The following ARL16 variants were observed in gnomAD, a reference collection of about 807,000 sequenced individuals.
The protein encoded by ARL16 is ADP-ribosylation factor-like protein 16.
ARL16 carries 21 observed loss-of-function variants against 14.1 expected under a neutral mutation model. The observed-to-expected ratio is 1.48, with a 90% CI of 1.05 to 2.14. The LOEUF is 2.14. ARL16 is among the 30% of genes most tolerant of loss of function. ARL16 has a pLI of 0.00. For missense variants in ARL16, 248 were observed against 222.0 expected, an observed-to-expected ratio of 1.12 and a Z score of -0.74; for synonymous variants, 122 against 91.8, an observed-to-expected ratio of 1.33 and a Z score of -1.88.
chr17:81,682,184 G>A (rs370369243), intron 3 of ARL16, 35 bp from the exon 4 acceptor site: 19 of 1,501,268 alleles, frequency 1.3e-5, no homozygotes, highest in South Asian at 2.5e-5. Context: ...GCAATGCCCC[G>A]CTGCCAAACT....
rs1303188476 is a variant in ARL16 at position 81,683,701 on chromosome 17, C to T, written c.53G>A (p.Arg18Gln). 4 of 1,605,736 alleles carry T rather than the reference C, an allele frequency of 2.5e-6. No individual in the cohort carries two copies. The Admixed American group carries it at 5.1e-5, about 20-fold the overall frequency. ...CCCGCGCGGAAGGATATCCTGCAGCCGTTTCACCAGCAGCGTCTTCCCGAC... is the reference window on the plus strand; with the variant it reads ...CCCGCGCGGAAGGATATCCTGCAGCTGTTTCACCAGCAGCGTCTTCCCGAC... ...TGVGKTLLVKRLQEVSSRDGK... is the reference protein window; with the variant it reads ...TGVGKTLLVKQLQEVSSRDGK... Residue 18 changes from arginine (R) to glutamine (Q), a missense_variant, in exon 1 of 5, where the codon CGG (arginine) becomes CAG (glutamine). Coordinates refer to ENST00000622299, the MANE Select transcript of ARL16 (RefSeq NM_001040025.3).
rs201721126 is a variant in ARL16 at position 81,682,017 on chromosome 17, A to G, written c.350+17T>C. 8.2e-4 allele frequency: 1,315 copies of G among 1,594,758 alleles called. 2 individuals are homozygous for G. The highest frequency in any genetic ancestry group is 1.2e-3 in the Middle Eastern group (7 of 5,890). On this transcript the variant is annotated intron_variant, in intron 4 of 4. Transcript: ENST00000622299. ...CCCCGCCCCCGCTGTGCTCCCTCTC[A>G]GCTCAGGGACGCGTACATTTTATTG...
chr17:81,681,448 G>A lies in ARL16; in HGVS notation c.*260C>T, dbSNP rs993514843. The A allele has an allele frequency of 8.8e-5, 33 of 376,038 alleles. No individual in the cohort carries two copies. Among genetic ancestry groups the A allele is most frequent in the Middle Eastern group, 7.6e-4 (1 of 1,324 alleles). The allele number at this position is 376,038 out of a possible 1,614,324, so 23.3% of individuals were successfully genotyped here. A position where few individuals can be genotyped will look rare whatever the true frequency, so the allele number is the denominator to read the frequency against. On this transcript the variant is annotated 3_prime_UTR_variant, in exon 5 of 5. Coordinates refer to ENST00000622299, the MANE Select transcript of ARL16 (RefSeq NM_001040025.3). ...ACTCCCGACCTCAGGTGATACACCC[G>A]CCTCGGCCTCTCAAAGTGCTGGGAT... is the stretch of plus-strand genomic sequence containing the variant.
Position 81,681,794 on chromosome 17 carries a change from T to A in ARL16, c.436A>T (p.Thr146Ser), listed in dbSNP as rs758930101. The A allele has an allele frequency of 3.7e-6, 6 of 1,612,474 alleles. No individual in the cohort carries two copies. ...TCACGGGCGCTGATTTCTGCCGTGG[T>A]GATGTTCTGCTTGGCACAAGCAATG... ...DIIACAKQNITTAEISAREGT... is the reference protein window; with the variant it reads ...DIIACAKQNISTAEISAREGT... The change falls in exon 5 of 5, where the codon ACC (threonine) becomes TCC (serine). Residue 146 changes from threonine to serine, a missense_variant. Physicochemically the swap from Thr to Ser is moderately conservative, Grantham distance 58. Coordinates refer to ENST00000622299, the MANE Select transcript of ARL16 (RefSeq NM_001040025.3).
At position 81,683,055 on chromosome 17, in the gene ARL16, G is replaced by T. The variant is rs184436797; in HGVS notation, c.192C>A (p.Gly64=). 8.2e-5 allele frequency: 132 copies of T among 1,613,692 alleles called. No homozygotes were observed. The African/African-American group carries it at 1.6e-3, about 19-fold the overall frequency. The part of the protein sequence containing the change: ...ITIRELGGCM[G]PIWSSYYGNC... ...TTCCATAGTAACTGGACCAGATGGGGCCCATGCACCCCCCAAGCTCCCGGA... is the reference window on the plus strand; with the variant it reads ...TTCCATAGTAACTGGACCAGATGGGTCCCATGCACCCCCCAAGCTCCCGGA... The change falls in exon 3 of 5, where the codon GGC becomes GGA. Residue 64 remains glycine (G), a synonymous_variant. Transcript: ENST00000622299.
chr17:81,681,956 T>C (rs2036853666), intron 4 of ARL16, 77 bp from the exon 5 acceptor site: 5 of 1,558,842 alleles, frequency 3.2e-6, no homozygotes, highest in Non-Finnish European at 3.5e-6. Flanking sequence ...ACCACCTCCC[T>C]ACCGAGCCAT....
intron 3 of ARL16, 122 bp downstream of exon 3, chr17:81,682,891 A>G: frequency 2.3e-6 from 2 of 882,824 alleles, no homozygotes; most frequent in Non-Finnish European, 3.6e-6. Flanking sequence ...ACCTATTTCC[A>G]TGAGTAGTAT....
intron 3 of ARL16, 165 bp from the exon 4 acceptor site, chr17:81,682,314 G>T: frequency 1.9e-6 from 1 of 521,544 alleles, no homozygotes. Context: ...TCGGCTCACT[G>T]AAACTCCGCC....
At chr17:81,682,315 A>C in intron 3 of ARL16, 166 bp from the exon 4 acceptor site, 2 of 515,842 alleles carry the variant, frequency 3.9e-6, no homozygotes, top group Non-Finnish European at 6.9e-6. Flanking sequence ...CGGCTCACTG[A>C]AACTCCGCCT....
At chr17:81,683,402 C>T (rs978348006) in intron 2 of ARL16, 134 bp downstream of exon 2, 12 of 1,228,798 alleles carry the variant, frequency 9.8e-6, no homozygotes, top group Middle Eastern at 2.8e-4. Flanking sequence ...TCGGGCCGTC[C>T]CCCGCTCCCG....
intron 2 of ARL16, 66 bp from the exon 3 acceptor site, chr17:81,683,192 G>C (rs576452445): frequency 7.0e-7 from 1 of 1,426,096 alleles, no homozygotes; most frequent in African/African-American, 1.4e-5. Flanking sequence ...CTCCTGAAGA[G>C]CACCGTGCCC....
intron 3 of ARL16, 108 bp from the exon 4 acceptor site, chr17:81,682,257 A>G (rs1285821927): frequency 3.8e-6 from 3 of 791,022 alleles, no homozygotes; most frequent in Non-Finnish European, 3.9e-6. Flanking sequence ...TAATTAATTA[A>G]TTTATTTTTT....
chr17:81,681,701 C>T lies in ARL16; in HGVS notation c.*7G>A, dbSNP rs769504153. The T allele has an allele frequency of 7.5e-6, 12 of 1,596,910 alleles. No individual in the cohort carries two copies. Among genetic ancestry groups the T allele is most frequent in the South Asian group, 2.3e-5 (2 of 88,816 alleles). On this transcript the variant is annotated 3_prime_UTR_variant, in exon 5 of 5. Coordinates refer to ENST00000622299, the MANE Select transcript of ARL16 (RefSeq NM_001040025.3). The stretch of plus-strand genomic sequence containing the variant: ...CAGCTCAGGCCAGCTGCGCCTCTGC[C>T]GTGCAGTCAATCGTTGGCTCTGTGG...
In ARL16 at chr17:81,681,881, T is replaced by A; in HGVS notation, c.351-2A>T. The A allele has an allele frequency of 6.2e-7, 1 of 1,611,376 alleles. No homozygotes were observed. Among genetic ancestry groups the A allele is most frequent in the Non-Finnish European group, 8.5e-7 (1 of 1,179,056 alleles). On this transcript the variant is annotated splice_acceptor_variant, in intron 4 of 4. Coordinates refer to ENST00000622299, the MANE Select transcript of ARL16 (RefSeq NM_001040025.3). LOFTEE classifies it high-confidence loss of function. ...GTGGACATGTAACAGGGTAGGTCGC[T>A]GGAGAGAAAGAGGTGCCCCATCAGA...
intron 1 of ARL16, 29 bp downstream of exon 1, chr17:81,683,664 C>G (rs1398064370): frequency 1.9e-6 from 3 of 1,592,774 alleles, no homozygotes; most frequent in Non-Finnish European, 2.6e-6. Flanking sequence ...CCCCCCGCGC[C>G]CCGGTCCCGT....
rs1479602053 is a variant in ARL16 at position 81,683,796 on chromosome 17, G to A, written c.-43C>T. 1.2e-6 allele frequency: 2 copies of A among 1,605,024 alleles called. No individual in the cohort carries two copies. The highest frequency in any genetic ancestry group is 8.5e-7 in the Non-Finnish European group (1 of 1,179,562). On this transcript the variant is annotated 5_prime_UTR_variant, in exon 1 of 5. Transcript: ENST00000622299. Reference sequence around the variant, plus strand: ...CCGGCACCCGTAGCTCGGCGCCGCGGCTCAAGGCCCGCCCACCGGCCACTC... The same window carrying A: ...CCGGCACCCGTAGCTCGGCGCCGCGACTCAAGGCCCGCCCACCGGCCACTC...
chr17:81,682,330 G>A, intron 3 of ARL16, 181 bp from the exon 4 acceptor site: 1 of 478,224 alleles, frequency 2.1e-6, no homozygotes, highest in Admixed American at 3.9e-5. Context: ...CCGCCTCCAG[G>A]GTTCAGGGTT....
At chr17:81,683,657 C>T (rs755376294) in intron 1 of ARL16, 36 bp downstream of exon 1, 2 of 1,592,706 alleles carry the variant, frequency 1.3e-6, no homozygotes. Context: ...CCGGGTGCCC[C>T]CCGCGCCCCG....
chr17:81,681,959 C>T (rs2036853795), intron 4 of ARL16, 75 bp downstream of exon 4: 2 of 1,559,492 alleles, frequency 1.3e-6, no homozygotes, highest in Admixed American at 1.9e-5. Context: ...ACCTCCCTAC[C>T]GAGCCATGCT....
Sources: gnomAD v4.1 joint callset for allele counts on GRCh38, gnomAD v4.1.1 for gene constraint, MANE v1.5 for transcripts, NCBI Gene and HGNC (gene_info 2026-07-23, HGNC 2026-07-21) for gene names.